OTOGL: variants seen among roughly 807,000 people sequenced by gnomAD.
OTOGL encodes the protein otogelin like.
Under a neutral mutation model 318.5 loss-of-function variants are expected in OTOGL, and 285 were observed. That is an observed-to-expected ratio of 0.89 (90% CI 0.81 to 0.99). OTOGL has a LOEUF of 0.99. Ranked by LOEUF, OTOGL falls within the 50% of genes least tolerant of loss-of-function variation. The probability of loss-of-function intolerance (pLI) is 0.00; values close to 1 mark genes in which losing one functional copy is unlikely to be tolerated. For missense variants in OTOGL, 2,899 were observed against 2,845.6 expected, an observed-to-expected ratio of 1.02 and a Z score of -0.43; for synonymous variants, 987 against 936.5, an observed-to-expected ratio of 1.05 and a Z score of -0.99.
chr12:80,193,503 G>C (rs540514852), intron 1 of OTOGL, among the ~76,000 whole-genome samples: 1 of 152,014 alleles, frequency 6.6e-6, no homozygotes, highest in Admixed American at 6.6e-5. Flanking sequence ...GTGTCAGAGT[G>C]AGACTTCATC....
chr12:80,103,292 A>G, intron 1 of OTOGL: 1 of 1,594,268 alleles, frequency 6.3e-7, no homozygotes, highest in African/African-American at 1.3e-5. Flanking sequence ...GCCTTTTGCG[A>G]TTCTTGCTTC....
intron 29 of OTOGL, among the ~76,000 whole-genome samples, chr12:80,308,787 A>G (rs952457672): frequency 2.0e-5 from 3 of 152,238 alleles, no homozygotes; most frequent in Admixed American, 2.0e-4. Context: ...CAACACAGCG[A>G]ATCCCCGTCT....
chr12:80,215,533 G>A (rs1363829875), intron 4 of OTOGL, among the ~76,000 whole-genome samples: 1 of 152,060 alleles, frequency 6.6e-6, no homozygotes, highest in Non-Finnish European at 1.5e-5. Flanking sequence ...TAATTTCACT[G>A]AATCCTCACG....
In OTOGL at chr12:80,336,084, G is replaced by T; in HGVS notation, c.4544G>T (p.Arg1515Leu). ...GTGGAAATGCCTGACTGTGGTTTCC[G>T]AGGAAGGCCAGTTCAAGTGAACAGT... is the stretch of plus-strand genomic sequence containing the variant. ...KDVEMPDCGF[R>L]GRPVQVNSDI... Residue 1515 changes from arginine (R) to leucine (L), a missense_variant, in exon 39 of 59, where the codon CGA (arginine) becomes CTA (leucine). Around this residue, in one of 3 missense-constraint regions of OTOGL, gnomAD observed 2,607 missense variants for 2,524.9 expected, o/e 1.03. Coordinates refer to ENST00000547103, the MANE Select transcript of OTOGL (RefSeq NM_001378609.3). 10 of 1,598,680 alleles carry T rather than the reference G, an allele frequency of 6.3e-6. No individual in the cohort carries two copies. Among genetic ancestry groups the T allele is most frequent in the Non-Finnish European group, 8.5e-6 (10 of 1,179,400 alleles).
At chr12:80,180,335 T>TATGGAG (rs1874835498) in intron 1 of OTOGL, among the ~76,000 whole-genome samples, 1 of 151,974 alleles carries the variant, frequency 6.6e-6, no homozygotes. Context: ...GGGCCTAGGA[T>TATGGAG]GACCTAGTAT....
chr12:80,151,927 C>T (rs1323239484), intron 1 of OTOGL, among the ~76,000 whole-genome samples: 1 of 152,178 alleles, frequency 6.6e-6, no homozygotes. Context: ...GTTCACTTTA[C>T]AGGTATTATC....
At chr12:80,147,833 C>A (rs149592607) in intron 1 of OTOGL, among the ~76,000 whole-genome samples, 3,784 of 152,182 alleles carry the variant, frequency 0.025, 159 homozygotes, top group African/African-American at 0.087. Context: ...CTCTTTTGAT[C>A]TTTATTGGTT....
intron 30 of OTOGL, among the ~76,000 whole-genome samples, chr12:80,311,042 G>A (rs1339471780): frequency 6.6e-6 from 1 of 152,188 alleles, no homozygotes; most frequent in East Asian, 1.9e-4. Context: ...TTTCTTTAGA[G>A]AACATTGTCA....
At chr12:80,196,186 T>A (rs1876053864) in intron 1 of OTOGL, among the ~76,000 whole-genome samples, 1 of 152,202 alleles carries the variant, frequency 6.6e-6, no homozygotes, top group East Asian at 1.9e-4. Context: ...TGAGCCTTGG[T>A]GTATCCATGA....
chr12:80,323,502 A>T (rs1389843115), intron 34 of OTOGL, among the ~76,000 whole-genome samples: 1 of 152,058 alleles, frequency 6.6e-6, no homozygotes, highest in Non-Finnish European at 1.5e-5. Context: ...TATAAAAATT[A>T]ACTGGGTGTG....
intron 29 of OTOGL, among the ~76,000 whole-genome samples, chr12:80,308,694 C>T (rs1046953161): frequency 4.6e-5 from 7 of 152,184 alleles, no homozygotes; most frequent in African/African-American, 1.4e-4. Flanking sequence ...ACTGAGTGAA[C>T]GAGACTCCGT....
Position 80,261,713 on chromosome 12 carries a change from G to A in OTOGL, c.1890-256G>A, listed in dbSNP as rs184020754. ...CTGCTTTGCTTTCTCTGTAAAATGG[G>A]GATAAAAGATGTTTTTCTTATAAGT... On this transcript the variant is annotated intron_variant, in intron 18 of 58. Coordinates refer to ENST00000547103, the MANE Select transcript of OTOGL (RefSeq NM_001378609.3). Among the ~76,000 whole-genome samples, 212 of 151,916 alleles carry A rather than the reference G, an allele frequency of 1.4e-3. 3 individuals carry two copies. The highest frequency in any genetic ancestry group is 2.6e-3 in the Non-Finnish European group (175 of 67,954).
rs575835490 is a variant in OTOGL at position 80,102,194 on chromosome 12, T to C, written c.-20+2589T>C. On this transcript the variant is annotated intron_variant, in intron 1 of 58. Coordinates refer to ENST00000547103, the MANE Select transcript of OTOGL (RefSeq NM_001378609.3). ...TAACTCCCTGGGACCCTAAGTAAAC[T>C]AGGGAATGTATAGAATCTATCTCAC... Among the ~76,000 whole-genome samples, 44 of 152,342 alleles carry C rather than the reference T, an allele frequency of 2.9e-4. No individual in the cohort carries two copies. In the South Asian group the frequency reaches 3.7e-3, roughly 13 times the overall value.
At chr12:80,338,930 G>A in intron 42 of OTOGL, 145 bp from the exon 43 acceptor site, 2 of 671,746 alleles carry the variant, frequency 3.0e-6, no homozygotes, top group South Asian at 2.4e-5. Context: ...AAGGTTCTGA[G>A]AAGCTGTGGC....
At chr12:80,373,508 C>T (rs1891009357) in intron 57 of OTOGL, among the ~76,000 whole-genome samples, 1 of 151,986 alleles carries the variant, frequency 6.6e-6, no homozygotes, top group South Asian at 2.1e-4. Flanking sequence ...TATGAACTGA[C>T]ATACATCTTG....
At chr12:80,102,685 A>T (rs2137065456) in intron 1 of OTOGL, among the ~76,000 whole-genome samples, 1 of 152,184 alleles carries the variant, frequency 6.6e-6, no homozygotes, top group East Asian at 1.9e-4. Context: ...AGGGTGTTTG[A>T]AAAATATGTC....
intron 43 of OTOGL, among the ~76,000 whole-genome samples, chr12:80,339,996 C>T (rs940246780): frequency 2.6e-5 from 4 of 152,192 alleles, no homozygotes; most frequent in Admixed American, 6.5e-5. Flanking sequence ...TGTCAGTTTC[C>T]TCATCTTTAA....
At chr12:80,101,540 CAA>C (rs1869139114) in intron 1 of OTOGL, among the ~76,000 whole-genome samples, 1 of 152,024 alleles carries the variant, frequency 6.6e-6, no homozygotes, top group South Asian at 2.1e-4. Context: ...TAAAATAAGA[CAA>C]ATAATTATAT....
intron 1 of OTOGL, among the ~76,000 whole-genome samples, chr12:80,108,886 ATATATGTG>A (rs1292305574): frequency 1.5e-5 from 2 of 137,330 alleles, no homozygotes; most frequent in African/African-American, 2.8e-5. Flanking sequence ...ATATGTGTAT[ATATATGTG>A]TATATATATG....
Sources: allele counts gnomAD v4.1 joint callset (sites outside exome capture counted in the v4.1 genomes callset), GRCh38; gene constraint gnomAD v4.1.1; regional missense constraint gnomAD v4.1.1; transcripts MANE v1.5; gene names NCBI Gene and HGNC (gene_info 2026-07-23, HGNC 2026-07-21).